NBAS: variants seen among roughly 807,000 people sequenced by gnomAD.
The protein encoded by NBAS is NAG/BC035112 fusion.
A neutral mutation model predicts 302.5 loss-of-function variants in NBAS; 219 were observed. The ratio of observed to expected loss-of-function variants is 0.72; its 90% confidence interval spans 0.65 to 0.81. The LOEUF is 0.81. Ranked by LOEUF, NBAS falls within the 30% of genes least tolerant of loss-of-function variation. The pLI, the probability that NBAS is intolerant of heterozygous loss-of-function variation, is 0.00. For synonymous variants in NBAS, 1,118 were observed against 1,021.6 expected, an observed-to-expected ratio of 1.09 and a Z score of -1.80; for missense variants, 2,932 against 2,841.6, an observed-to-expected ratio of 1.03 and a Z score of -0.72.
intron 10 of NBAS, 117 bp from the exon 11 acceptor site, chr2:15,504,330 A>C: frequency 4.5e-6 from 4 of 882,680 alleles, no homozygotes; most frequent in Non-Finnish European, 7.3e-6. Flanking sequence ...AATTGATTAA[A>C]GAAAATCACC....
chr2:14,830,341 C>T, the NBAS span, among the ~76,000 whole-genome samples: 178 of 152,222 alleles, frequency 1.2e-3, 1 homozygote, highest in East Asian at 0.022. Context: ...AACTGAGTCA[C>T]GTGCCTACAC....
chr2:14,850,882 G>A, the NBAS span, among the ~76,000 whole-genome samples: 34 of 131,420 alleles, frequency 2.6e-4, no homozygotes, highest in East Asian at 4.7e-3. Context: ...TGAAACCAAC[G>A]AGAACAAAGA....
chr2:15,231,546 G>T (rs531781613), intron 47 of NBAS, among the ~76,000 whole-genome samples: 1 of 152,098 alleles, frequency 6.6e-6, no homozygotes, highest in African/African-American at 2.4e-5. Context: ...AACATATACA[G>T]CCGTTAGAAA....
At chr2:15,429,037 CAAA>C (rs11405002) in intron 21 of NBAS, among the ~76,000 whole-genome samples, 1 of 132,524 alleles carries the variant, frequency 7.5e-6, no homozygotes. Flanking sequence ...TACTCTGTCT[CAAA>C]AAAAAAAAAA....
At chr2:14,870,040 T>C in the NBAS span, among the ~76,000 whole-genome samples, 2 of 152,204 alleles carry the variant, frequency 1.3e-5, no homozygotes, top group African/African-American at 2.4e-5. Flanking sequence ...GGACAAAATA[T>C]TTAAAATGAT....
intron 44 of NBAS, among the ~76,000 whole-genome samples, chr2:15,266,634 GAAGGA>G (rs370599577): frequency 9.7e-4 from 148 of 152,244 alleles, no homozygotes; most frequent in Middle Eastern, 3.4e-3. Flanking sequence ...GATGATATAT[GAAGGA>G]AAGGGTAGAA....
intron 21 of NBAS, among the ~76,000 whole-genome samples, chr2:15,458,170 A>G (rs542249886): frequency 6.6e-6 from 1 of 152,342 alleles, no homozygotes; most frequent in Admixed American, 6.5e-5. Context: ...AAAGGCAGAA[A>G]TAAGTATGAC....
chr2:14,959,362 T>C, the NBAS span, among the ~76,000 whole-genome samples: 385 of 152,302 alleles, frequency 2.5e-3, 4 homozygotes, highest in African/African-American at 8.8e-3. Context: ...ACCACCAGTC[T>C]CCATGGCATC....
intron 32 of NBAS, among the ~76,000 whole-genome samples, chr2:15,360,857 T>C (rs890527166): frequency 5.3e-5 from 8 of 152,112 alleles, no homozygotes; most frequent in Non-Finnish European, 1.0e-4. Flanking sequence ...GAATCCCTCC[T>C]GAAGGACCTG....
the NBAS span, among the ~76,000 whole-genome samples, chr2:15,147,082 A>G: frequency 6.6e-6 from 1 of 152,088 alleles, no homozygotes; most frequent in South Asian, 2.1e-4. Flanking sequence ...AGCATCTAAA[A>G]AGCAGTTGCA....
intron 38 of NBAS, among the ~76,000 whole-genome samples, chr2:15,316,370 T>C (rs1183478740): frequency 2.6e-5 from 4 of 152,262 alleles, no homozygotes; most frequent in South Asian, 4.1e-4. Context: ...CTGGGACTGG[T>C]TGGACAGTGG....
chr2:15,107,752 G>A, the NBAS span, among the ~76,000 whole-genome samples: 2 of 152,154 alleles, frequency 1.3e-5, no homozygotes, highest in African/African-American at 2.4e-5. Context: ...GTTGACCAAC[G>A]TGTATTCTCA....
the NBAS span, among the ~76,000 whole-genome samples, chr2:15,082,828 A>C: frequency 6.6e-6 from 1 of 152,202 alleles, no homozygotes; most frequent in South Asian, 2.1e-4. Context: ...CATGGTCTCC[A>C]GTTTACCGAA....
intron 5 of NBAS, among the ~76,000 whole-genome samples, chr2:15,552,322 T>C (rs1664421074): frequency 6.6e-6 from 1 of 152,342 alleles, no homozygotes; most frequent in Middle Eastern, 3.4e-3. Context: ...GGAATTACTA[T>C]AGTCGACCCT....
In NBAS at chr2:15,442,585, T is replaced by A. The variant is rs553329783; in HGVS notation, c.2340-14791A>T. The stretch of plus-strand genomic sequence containing the variant: ...CAAATTGACACCTTAACATCACAAT[T>A]AAAAGAACTAGAAAAGCAAGAGCAA... On this transcript the variant is annotated intron_variant, in intron 21 of 51. Transcript: ENST00000281513. 9.6e-3 allele frequency among the ~76,000 whole-genome samples: 1,459 copies of A among 151,772 alleles called. 8 individuals carry two copies. Among genetic ancestry groups the A allele is most frequent in the Non-Finnish European group, 0.014 (965 of 67,976 alleles).
intron 21 of NBAS, among the ~76,000 whole-genome samples, chr2:15,460,258 T>C (rs1025248836): frequency 4.6e-5 from 7 of 152,126 alleles, no homozygotes; most frequent in African/African-American, 1.7e-4. Context: ...CAAGCAGATA[T>C]TATAATTATC....
At chr2:15,117,783 A>T in the NBAS span, among the ~76,000 whole-genome samples, 1 of 152,202 alleles carries the variant, frequency 6.6e-6, no homozygotes, top group Admixed American at 6.5e-5. Flanking sequence ...CACTGGGGAC[A>T]CAGGCTGTGC....
intron 4 of NBAS, among the ~76,000 whole-genome samples, chr2:15,553,707 TCTCTCTCC>T (rs2148712498): frequency 6.7e-6 from 1 of 149,160 alleles, no homozygotes; most frequent in Admixed American, 6.7e-5. Flanking sequence ...ACTCTCCCCA[TCTCTCTCC>T]CTCTCTCCCC....
At chr2:15,427,561 G>C in intron 22 of NBAS, 150 bp downstream of exon 22, 1 of 660,104 alleles carries the variant, frequency 1.5e-6, no homozygotes, top group Non-Finnish European at 2.7e-6. Flanking sequence ...TAACATAACT[G>C]AGTCAAAGGA....
Sources: allele counts gnomAD v4.1 joint callset (sites outside exome capture counted in the v4.1 genomes callset), GRCh38; gene constraint gnomAD v4.1.1; transcripts MANE v1.5; gene names NCBI Gene and HGNC (gene_info 2026-07-23, HGNC 2026-07-21).